DIS3L2: variants seen among roughly 807,000 people sequenced by gnomAD.
DIS3L2 encodes DIS3-like exonuclease 2.
Under a neutral mutation model 97.5 loss-of-function variants are expected in DIS3L2, and 34 were observed. The ratio of observed to expected loss-of-function variants is 0.35; its 90% CI spans 0.27 to 0.46. The LOEUF (loss-of-function observed/expected upper bound fraction) is 0.46. Ranked by LOEUF, DIS3L2 falls within the 20% of genes least tolerant of loss-of-function variation. The pLI, the probability that DIS3L2 is intolerant of heterozygous loss-of-function variation, is 1.00. For synonymous variants in DIS3L2, 435 were observed against 445.2 expected (o/e 0.98, Z 0.29); for missense variants, 1,038 against 1,146.0 (o/e 0.91, Z 1.36).
At position 232,324,815 on chromosome 2, in the gene DIS3L2, C is replaced by T. The variant is rs528579494; in HGVS notation, c.1740-4998C>T. On this transcript the variant is annotated intron_variant, in intron 14 of 20. Transcript: ENST00000325385. Reference sequence around the variant, plus strand: ...ACTTGAACATTGCTTCCCTGTTTTACAGGGAAACAAATTGAGATTACATGA... The same window carrying T: ...ACTTGAACATTGCTTCCCTGTTTTATAGGGAAACAAATTGAGATTACATGA... Among the ~76,000 whole-genome samples the T allele has an allele frequency of 7.9e-5, 12 of 152,274 alleles. No individual in the cohort carries two copies. The South Asian group carries it at 2.3e-3, about 29-fold the overall frequency.
intron 6 of DIS3L2, among the ~76,000 whole-genome samples, chr2:232,124,983 A>G (rs563265498): frequency 4.9e-4 from 74 of 152,324 alleles, no homozygotes; most frequent in African/African-American, 1.5e-3. Context: ...TACTCTTCAG[A>G]ATGTCATATG....
chr2:232,154,442 G>C (rs878949453), intron 8 of DIS3L2, among the ~76,000 whole-genome samples: 1,625 of 20,978 alleles, frequency 0.077, 92 homozygotes, highest in African/African-American at 0.12. Context: ...TCAGCTGCAG[G>C]TCTGTTGGAA....
At chr2:231,984,636 G>T (rs1693360465) in intron 1 of DIS3L2, among the ~76,000 whole-genome samples, 1 of 151,474 alleles carries the variant, frequency 6.6e-6, no homozygotes, top group Admixed American at 6.6e-5. Flanking sequence ...CTCGTGATCC[G>T]CCCGCCTCGG....
At chr2:232,116,827 CAAA>C (rs968184479) in intron 6 of DIS3L2, among the ~76,000 whole-genome samples, 3 of 63,670 alleles carry the variant, frequency 4.7e-5, no homozygotes, top group African/African-American at 2.9e-4. Flanking sequence ...AAAAAACAAA[CAAA>C]AAGAACAACA....
At chr2:232,172,195 G>T (rs1389303971) in intron 9 of DIS3L2, among the ~76,000 whole-genome samples, 1 of 152,148 alleles carries the variant, frequency 6.6e-6, no homozygotes, top group Admixed American at 6.5e-5. Context: ...TTTAAATTCA[G>T]TGGTTTCTCG....
At chr2:232,165,372 C>T (rs111537230) in intron 9 of DIS3L2, among the ~76,000 whole-genome samples, 1,787 of 151,940 alleles carry the variant, frequency 0.012, 37 homozygotes, top group African/African-American at 0.04. Context: ...TGTGTGTATA[C>T]GTATACACAT....
chr2:232,196,307 C>T (rs1034209996), intron 9 of DIS3L2, among the ~76,000 whole-genome samples: 2 of 152,128 alleles, frequency 1.3e-5, no homozygotes, highest in African/African-American at 4.8e-5. Flanking sequence ...TCTTTATTTT[C>T]AGCAGCAAAT....
At chr2:232,254,839 G>T (rs931085149) in intron 12 of DIS3L2, among the ~76,000 whole-genome samples, 1 of 152,206 alleles carries the variant, frequency 6.6e-6, no homozygotes, top group Non-Finnish European at 1.5e-5. Flanking sequence ...GGGGCTGTGG[G>T]CCTCAGTGCA....
chr2:232,308,387 C>T (rs554530944), intron 14 of DIS3L2, among the ~76,000 whole-genome samples: 9 of 151,210 alleles, frequency 6.0e-5, no homozygotes, highest in African/African-American at 2.2e-4. Context: ...TTGACACTCA[C>T]AGCCAGGTCC....
At chr2:232,211,084 A>G (rs991246039) in intron 10 of DIS3L2, among the ~76,000 whole-genome samples, 2 of 151,968 alleles carry the variant, frequency 1.3e-5, no homozygotes, top group African/African-American at 4.8e-5. Context: ...TGTGTAGGAT[A>G]TGAGAAAAGT....
intron 5 of DIS3L2, among the ~76,000 whole-genome samples, chr2:232,057,793 G>A (rs567128302): frequency 5.3e-5 from 8 of 152,230 alleles, no homozygotes; most frequent in African/African-American, 1.9e-4. Flanking sequence ...TTTGTGGTAG[G>A]TTTTTGTGTC....
At chr2:232,130,806 G>A in intron 7 of DIS3L2, 87 bp downstream of exon 7, 1 of 1,458,872 alleles carries the variant, frequency 6.9e-7, no homozygotes, top group African/African-American at 1.4e-5. Context: ...AGTCAGGACT[G>A]TATTTGGTCA....
intron 5 of DIS3L2, among the ~76,000 whole-genome samples, chr2:232,085,966 C>T (rs992595371): frequency 1.3e-5 from 2 of 152,128 alleles, no homozygotes; most frequent in African/African-American, 2.4e-5. Flanking sequence ...TGCCCCCCAA[C>T]TATGCCTGGT....
At chr2:232,005,312 T>C (rs1470049096) in intron 1 of DIS3L2, among the ~76,000 whole-genome samples, 1 of 152,136 alleles carries the variant, frequency 6.6e-6, no homozygotes, top group African/African-American at 2.4e-5. Flanking sequence ...TTTAGGCCTT[T>C]ATAATGTTGC....
intron 14 of DIS3L2, among the ~76,000 whole-genome samples, chr2:232,321,738 G>A (rs562057357): frequency 6.6e-6 from 1 of 152,358 alleles, no homozygotes; most frequent in South Asian, 2.1e-4. Context: ...GCGGGCCTGA[G>A]TGCTGCTTCT....
At chr2:232,317,562 G>A (rs913050074) in intron 14 of DIS3L2, among the ~76,000 whole-genome samples, 9 of 151,882 alleles carry the variant, frequency 5.9e-5, no homozygotes, top group Admixed American at 3.9e-4. Flanking sequence ...TCAGCCTCCC[G>A]GGTAGCTGGG....
intron 10 of DIS3L2, among the ~76,000 whole-genome samples, chr2:232,212,855 A>T (rs1692227977): frequency 6.6e-6 from 1 of 152,152 alleles, no homozygotes; most frequent in African/African-American, 2.4e-5. Flanking sequence ...AATCTATGGA[A>T]ATGAATGTTG....
intron 1 of DIS3L2, among the ~76,000 whole-genome samples, chr2:231,964,184 G>A (rs940081851): frequency 1.3e-5 from 2 of 152,144 alleles, no homozygotes; most frequent in African/African-American, 2.4e-5. Flanking sequence ...ATGGTTGTAG[G>A]TGTGTGGCTT....
intron 8 of DIS3L2, among the ~76,000 whole-genome samples, chr2:232,148,026 C>T (rs915775866): frequency 8.2e-6 from 1 of 122,636 alleles, no homozygotes; most frequent in African/African-American, 3.1e-5. Flanking sequence ...CCTCTCCTCT[C>T]TTCTCCTGTC....
Sources: gnomAD v4.1 joint callset for allele counts (sites outside exome capture counted in the v4.1 genomes callset) on GRCh38, gnomAD v4.1.1 for gene constraint, MANE v1.5 for transcripts, NCBI Gene and HGNC (gene_info 2026-07-23, HGNC 2026-07-21) for gene names.